The following MBTPS1 variants were observed in gnomAD, a reference collection of about 807,000 sequenced individuals.
MBTPS1 encodes the protein membrane bound transcription factor peptidase, site 1, also known as membrane-bound transcription factor site-1 protease.
MBTPS1 carries 94 observed loss-of-function variants against 127.8 expected under a neutral mutation model. The ratio of observed to expected loss-of-function variants is 0.74; its 90% CI spans 0.62 to 0.87. MBTPS1 has a LOEUF of 0.87. Ranked by LOEUF, MBTPS1 falls within the 40% of genes least tolerant of loss-of-function variation. The pLI, the probability that MBTPS1 is intolerant of heterozygous loss-of-function variation, is 0.00. For missense variants in MBTPS1, 1,636 were observed against 1,353.2 expected (o/e 1.21, Z -3.28); for synonymous variants, 632 against 509.4 (o/e 1.24, Z -3.24).
chr16:84,084,322 C>A (rs899725166), intron 10 of MBTPS1, among the ~76,000 whole-genome samples: 1 of 152,184 alleles, frequency 6.6e-6, no homozygotes, highest in Non-Finnish European at 1.5e-5. Context: ...AAGCTCCATT[C>A]CAACTGCATG....
At chr16:84,056,771 T>A (rs922762741) in intron 21 of MBTPS1, 1 of 152,316 alleles carries the variant, frequency 6.6e-6, no homozygotes, top group Non-Finnish European at 1.5e-5. Flanking sequence ...TCCTGCACTC[T>A]GTGGTGCACA....
At chr16:84,093,971 G>A in intron 4 of MBTPS1, 150 bp from the exon 5 acceptor site, 1 of 644,576 alleles carries the variant, frequency 1.6e-6, no homozygotes, top group East Asian at 2.8e-5. Flanking sequence ...TAGGTCAGCT[G>A]CTCCCAGGGT....
chr16:84,090,959 T>C lies in MBTPS1; in HGVS notation c.964-17A>G, dbSNP rs2086096691. ...TTCCCACACCTACAAAAGGAGCATTTATTTAATGAAAGTATCCCTTTCATT... is the reference window on the plus strand; with the variant it reads ...TTCCCACACCTACAAAAGGAGCATTCATTTAATGAAAGTATCCCTTTCATT... On this transcript the variant is annotated splice_polypyrimidine_tract_variant and intron_variant, in intron 7 of 22. Coordinates refer to ENST00000343411, the MANE Select transcript of MBTPS1 (RefSeq NM_003791.4). 1 of 1,574,634 alleles carries C rather than the reference T, an allele frequency of 6.4e-7. No homozygotes were observed. The highest frequency in any genetic ancestry group is 1.7e-5 in the Admixed American group (1 of 59,220).
At chr16:84,062,359 C>T (rs569710738) in intron 19 of MBTPS1, among the ~76,000 whole-genome samples, 1 of 152,266 alleles carries the variant, frequency 6.6e-6, no homozygotes, top group African/African-American at 2.4e-5. Context: ...GACCTTGTGA[C>T]CCACTCACCT....
intron 3 of MBTPS1, among the ~76,000 whole-genome samples, chr16:84,098,775 G>C (rs1216270267): frequency 6.6e-6 from 1 of 152,112 alleles, no homozygotes; most frequent in Non-Finnish European, 1.5e-5. Flanking sequence ...GCTTCCAACA[G>C]AAACAAAGAT....
Position 84,095,777 on chromosome 16 carries a change from G to A in MBTPS1, c.450C>T (p.Thr150=). The stretch of plus-strand genomic sequence containing the variant: ...ATGATTGCCACTTCTGGCTCCACCG[G>A]GTTTCATTGCAGGGTACTGTGGGGT... ...ESDPTVPCNE[T]RWSQKWQSSR... Residue 150 remains threonine, a synonymous_variant, in exon 4 of 23, where the codon ACC becomes ACT. Transcript: ENST00000343411. The A allele has an allele frequency of 1.2e-6, 2 of 1,613,976 alleles. No homozygotes were observed. Among genetic ancestry groups the A allele is most frequent in the Admixed American group, 3.3e-5 (2 of 60,028 alleles).
intron 11 of MBTPS1, among the ~76,000 whole-genome samples, chr16:84,076,650 G>A (rs1597322156): frequency 6.6e-6 from 1 of 152,198 alleles, no homozygotes; most frequent in East Asian, 1.9e-4. Context: ...TATACAAGAA[G>A]AGAAAGCCCC....
Position 84,069,855 on chromosome 16 carries a change from G to C in MBTPS1, c.1955+11C>G, listed in dbSNP as rs1224062856. ...GCTGGGGAGGTGAAGTGCATCCTGT[G>C]AGGTGCTTACCAGTCTAAAGGGTCA... On this transcript the variant is annotated intron_variant, in intron 14 of 22. Transcript: ENST00000343411. The C allele has an allele frequency of 1.2e-5, 20 of 1,609,756 alleles. No homozygotes were observed. The highest frequency in any genetic ancestry group is 1.7e-5 in the Admixed American group (1 of 59,032).
intron 12 of MBTPS1, 112 bp from the exon 13 acceptor site, chr16:84,070,888 T>C: frequency 1.3e-6 from 1 of 776,764 alleles, no homozygotes; most frequent in Admixed American, 3.0e-5. Flanking sequence ...AATACTTCAC[T>C]AAATAGGGAA....
At chr16:84,097,883 T>TGTGTG in intron 3 of MBTPS1, among the ~76,000 whole-genome samples, 3 of 151,814 alleles carry the variant, frequency 2.0e-5, no homozygotes, top group African/African-American at 4.8e-5. Flanking sequence ...TGTGTGTGTG[T>TGTGTG]TTAATGCAGC....
chr16:84,115,372 G>C (rs1353985200), intron 1 of MBTPS1, among the ~76,000 whole-genome samples: 1 of 152,158 alleles, frequency 6.6e-6, no homozygotes, highest in Non-Finnish European at 1.5e-5. Context: ...TGCCTGGGGA[G>C]TGCAGTCGTT....
chr16:84,060,513 C>A (rs1352963539), intron 20 of MBTPS1, 169 bp downstream of exon 20: 1 of 683,250 alleles, frequency 1.5e-6, no homozygotes, highest in South Asian at 2.1e-5. Context: ...GATGGCCTCT[C>A]GGCAGGTTAG....
intron 20 of MBTPS1, 45 bp downstream of exon 20, chr16:84,060,637 G>C (rs200322760): frequency 2.4e-5 from 39 of 1,597,016 alleles, no homozygotes; most frequent in East Asian, 1.8e-4. Flanking sequence ...ATCATGTTCA[G>C]CTGGATCCAA....
intron 3 of MBTPS1, 147 bp downstream of exon 3, chr16:84,098,906 A>T: frequency 1.2e-6 from 1 of 841,246 alleles, no homozygotes; most frequent in Non-Finnish European, 1.8e-6. Context: ...AAACTAAACT[A>T]AAAAATTCCT....
chr16:84,064,580 C>T (rs907035646), intron 18 of MBTPS1, among the ~76,000 whole-genome samples: 5 of 152,090 alleles, frequency 3.3e-5, no homozygotes, highest in Non-Finnish European at 7.4e-5. Flanking sequence ...TTCTGATTCT[C>T]CCCACCCACC....
At chr16:84,060,549 A>G (rs886258344) in intron 20 of MBTPS1, 133 bp downstream of exon 20, 12 of 995,188 alleles carry the variant, frequency 1.2e-5, no homozygotes, top group Non-Finnish European at 1.8e-5. Flanking sequence ...CTCTACCCGC[A>G]GCCATTACGA....
rs996821573 is a variant in MBTPS1, at chr16:84,063,649, G to A, written c.2432-204C>T. ...TCTTAAGTGCCATTGATTTGTTTTA[G>A]CAAAATTCACTTTGTGTGTATTTCC... On this transcript the variant is annotated intron_variant, in intron 18 of 22. Coordinates refer to ENST00000343411, the MANE Select transcript of MBTPS1 (RefSeq NM_003791.4). Among the ~76,000 whole-genome samples, 22 of 152,066 alleles carry A rather than the reference G, an allele frequency of 1.4e-4. 1 individual carries two copies. Among genetic ancestry groups the A allele is most frequent in the Admixed American group, 1.3e-4 (2 of 15,274 alleles).
At chr16:84,067,934 T>C in intron 15 of MBTPS1, 111 bp from the exon 16 acceptor site, 1 of 1,066,254 alleles carries the variant, frequency 9.4e-7, no homozygotes, top group Non-Finnish European at 1.4e-6. Context: ...CACCTAACAG[T>C]CTGGTTTGTG....
chr16:84,068,542 C>T, intron 14 of MBTPS1, 88 bp from the exon 15 acceptor site: 1 of 893,162 alleles, frequency 1.1e-6, no homozygotes, highest in South Asian at 1.5e-5. Flanking sequence ...TCTGCAAGAG[C>T]ACCATGCCAT....
Sources: allele counts gnomAD v4.1 joint callset (sites outside exome capture counted in the v4.1 genomes callset), GRCh38; gene constraint gnomAD v4.1.1; transcripts MANE v1.5; gene names NCBI Gene and HGNC (gene_info 2026-07-23, HGNC 2026-07-21).